Variants in GRK5 observed in about 807,000 individuals in gnomAD.
The protein encoded by GRK5 is G protein-coupled receptor kinase 5.
GRK5 carries 40 observed loss-of-function variants against 78.4 expected under a neutral mutation model. That is an observed-to-expected ratio of 0.51 (90% CI 0.40 to 0.66). GRK5 has a LOEUF of 0.66. GRK5 is among the 30% of genes least tolerant of loss of function. The pLI, the probability that GRK5 is intolerant of heterozygous loss-of-function variation, is 0.00. For missense variants in GRK5, 598 were observed against 759.9 expected (o/e 0.79, Z 2.50); for synonymous variants, 289 against 296.8 (o/e 0.97, Z 0.27).
intron 13 of GRK5, 98 bp downstream of exon 13, chr10:119,448,358 C>T (rs1007462103): frequency 7.4e-6 from 10 of 1,349,472 alleles, no homozygotes; most frequent in Non-Finnish European, 9.0e-6. Flanking sequence ...GAGTGTGGGG[C>T]ACATCGTGTC....
At chr10:119,447,356 C>G (rs73437345) in intron 12 of GRK5, among the ~76,000 whole-genome samples, 170 of 152,266 alleles carry the variant, frequency 1.1e-3, no homozygotes, top group African/African-American at 3.7e-3. Flanking sequence ...ATCATCTCTC[C>G]CTGACCAGCC....
At chr10:119,358,513 C>T (rs1328829036) in intron 2 of GRK5, among the ~76,000 whole-genome samples, 5 of 152,250 alleles carry the variant, frequency 3.3e-5, no homozygotes, top group East Asian at 1.9e-4. Flanking sequence ...GGAATTGAGG[C>T]GTGCATGGTG....
In GRK5 at chr10:119,240,189, C is replaced by CTTTTTT. The variant is rs55905745; in HGVS notation, c.52+32244_52+32249dup. Among the ~76,000 whole-genome samples the CTTTTTT allele has an allele frequency of 2.0e-4, 14 of 70,100 alleles. 2 individuals are homozygous for CTTTTTT. The highest frequency in any genetic ancestry group is 4.9e-4 in the African/African-American group (8 of 16,214). 46.0% of individuals were successfully genotyped at this position (70,100 alleles called of 152,430 possible). The stretch of plus-strand genomic sequence containing the variant: ...ATCCTCTCCAGCATCTGTTTCCCGA[C>CTTTTTT]TTTTTTTTTTTTTTTTTTTTTTTTT... On this transcript the variant is annotated intron_variant, in intron 1 of 15. Transcript: ENST00000392870.
In GRK5 at chr10:119,444,785, C is replaced by T. The variant is rs192393053; in HGVS notation, c.1266+1033C>T. On this transcript the variant is annotated intron_variant, in intron 12 of 15. Coordinates refer to ENST00000392870, the MANE Select transcript of GRK5 (RefSeq NM_005308.3). The stretch of plus-strand genomic sequence containing the variant: ...CCTGGGAGGGGGGAGCCACACTTCC[C>T]ACCCCTCTACATCTGCAGGCACTTT... 7.9e-5 allele frequency among the ~76,000 whole-genome samples: 12 copies of T among 152,342 alleles called. No individual in the cohort carries two copies. In the South Asian group the frequency reaches 2.5e-3, roughly 32 times the overall value.
intron 13 of GRK5, among the ~76,000 whole-genome samples, chr10:119,451,970 T>A (rs919948423): frequency 6.6e-6 from 1 of 152,066 alleles, no homozygotes; most frequent in African/African-American, 2.4e-5. Context: ...AAAGGCCTCA[T>A]CTCCAGAGGC....
At chr10:119,321,368 G>A (rs1850581880) in intron 1 of GRK5, among the ~76,000 whole-genome samples, 2 of 152,322 alleles carry the variant, frequency 1.3e-5, no homozygotes, top group South Asian at 2.1e-4. Context: ...TCTGGAGATC[G>A]GAAGTCTGAC....
At chr10:119,415,022 C>T (rs1019105383) in intron 4 of GRK5, among the ~76,000 whole-genome samples, 1 of 135,312 alleles carries the variant, frequency 7.4e-6, no homozygotes, top group Non-Finnish European at 1.5e-5. Flanking sequence ...GTGGAGCTTG[C>T]AGTGAGCCAA....
rs572336501 is a variant in GRK5 at position 119,346,686 on chromosome 10, G to GGGCT, written c.148+20088_148+20091dup. On this transcript the variant is annotated intron_variant, in intron 2 of 15. Coordinates refer to ENST00000392870, the MANE Select transcript of GRK5 (RefSeq NM_005308.3). ...CTGGCCATCAGAATGCCATCAGAGA[G>GGGCT]GGCTGGCTGGCTGGCTCCTGGGCCT... is the stretch of plus-strand genomic sequence containing the variant. Among the ~76,000 whole-genome samples, 376 of 152,290 alleles carry GGGCT rather than the reference G, an allele frequency of 2.5e-3. 1 individual carries two copies. Among genetic ancestry groups the GGGCT allele is most frequent in the Middle Eastern group, 3.4e-3 (1 of 294 alleles).
intron 2 of GRK5, among the ~76,000 whole-genome samples, chr10:119,368,184 A>C (rs1851482225): frequency 6.6e-6 from 1 of 152,230 alleles, no homozygotes; most frequent in East Asian, 1.9e-4. Context: ...GGGCATTGCC[A>C]TGTGAAGTCA....
chr10:119,274,929 T>G (rs533569166), intron 1 of GRK5, among the ~76,000 whole-genome samples: 1 of 152,322 alleles, frequency 6.6e-6, no homozygotes, highest in East Asian at 1.9e-4. Flanking sequence ...AGTTTAAACC[T>G]TCTTGGAGAC....
intron 1 of GRK5, among the ~76,000 whole-genome samples, chr10:119,260,411 CT>C (rs576259096): frequency 1.4e-3 from 114 of 80,546 alleles, no homozygotes; most frequent in East Asian, 5.5e-3. Flanking sequence ...ATGACATGGT[CT>C]TTTTTTTTTT....
intron 2 of GRK5, among the ~76,000 whole-genome samples, chr10:119,328,847 G>C: frequency 6.6e-6 from 1 of 152,198 alleles, no homozygotes; most frequent in East Asian, 1.9e-4. Context: ...AGTGCTATGG[G>C]GCACAGCCAG....
At chr10:119,245,588 G>T (rs1849094344) in intron 1 of GRK5, among the ~76,000 whole-genome samples, 1 of 152,164 alleles carries the variant, frequency 6.6e-6, no homozygotes, top group Non-Finnish European at 1.5e-5. Context: ...ACTCATAAGA[G>T]AATGGTGGTT....
At chr10:119,373,787 C>G (rs1243766230) in intron 2 of GRK5, among the ~76,000 whole-genome samples, 1 of 152,152 alleles carries the variant, frequency 6.6e-6, no homozygotes, top group Non-Finnish European at 1.5e-5. Flanking sequence ...GATAGACTTG[C>G]TCGACACGGG....
At chr10:119,246,581 A>G (rs559875460) in intron 1 of GRK5, among the ~76,000 whole-genome samples, 1 of 152,370 alleles carries the variant, frequency 6.6e-6, no homozygotes, top group Non-Finnish European at 1.5e-5. Context: ...GTTAAGGGTT[A>G]AGTAATGTCC....
intron 4 of GRK5, among the ~76,000 whole-genome samples, chr10:119,416,949 C>G (rs1852468508): frequency 6.6e-6 from 1 of 152,158 alleles, no homozygotes; most frequent in Admixed American, 6.5e-5. Context: ...CTCCTCTGGT[C>G]TGAGATTATA....
rs1564870580 is a variant in GRK5, at chr10:119,267,853, A to G, written c.53-58663A>G. ...GTCCTCTCCACCCCAGCTCCTCCAC[A>G]CTCCCCACCCCCCACAGCCCAGCCA... On this transcript the variant is annotated intron_variant, in intron 1 of 15. Transcript: ENST00000392870. This position sits in a 1 kb window ranked among gnomAD's most constrained non-coding sequence, Gnocchi z 4.1. 1.3e-5 allele frequency among the ~76,000 whole-genome samples: 2 copies of G among 150,780 alleles called. No homozygotes were observed. Among genetic ancestry groups the G allele is most frequent in the Non-Finnish European group, 1.5e-5 (1 of 67,740 alleles).
At chr10:119,214,340 T>G (rs1293532604) in intron 1 of GRK5, among the ~76,000 whole-genome samples, 1 of 152,184 alleles carries the variant, frequency 6.6e-6, no homozygotes, top group African/African-American at 2.4e-5. Context: ...CCCGAAGAGC[T>G]GAGGCTGACT....
At chr10:119,328,518 C>T (rs1413816013) in intron 2 of GRK5, among the ~76,000 whole-genome samples, 4 of 152,196 alleles carry the variant, frequency 2.6e-5, no homozygotes, top group Non-Finnish European at 5.9e-5. Context: ...CAAGCCTTCT[C>T]TGTCATTTTC....
Sources: allele counts gnomAD v4.1 joint callset (sites outside exome capture counted in the v4.1 genomes callset), GRCh38; gene constraint gnomAD v4.1.1; non-coding constraint Gnocchi (gnomAD v3.1); transcripts MANE v1.5; gene names NCBI Gene and HGNC (gene_info 2026-07-23, HGNC 2026-07-21).